The following CAST variants were observed in gnomAD, a reference collection of about 807,000 sequenced individuals.
CAST encodes the protein calpastatin.
CAST carries 76 observed loss-of-function variants against 119.6 expected under a neutral mutation model. The observed-to-expected ratio is 0.64, with a 90% CI of 0.53 to 0.77. The LOEUF (loss-of-function observed/expected upper bound fraction) is 0.77, where lower values mean the gene tolerates loss of function less well. Among genes scored for constraint, CAST ranks in the 30% least tolerant of loss-of-function variants. The pLI, the probability that CAST is intolerant of heterozygous loss-of-function variation, is 0.00. For missense variants in CAST, 953 were observed against 946.5 expected (o/e 1.01, Z -0.09); for synonymous variants, 319 against 331.6 (o/e 0.96, Z 0.41).
At chr5:96,762,970 CT>C (rs1157934100) in intron 25 of CAST, 1 of 582,828 alleles carries the variant, frequency 1.7e-6, no homozygotes, top group Admixed American at 2.8e-5. Context: ...TCCAGACTTC[CT>C]TGACTAATCA....
the CAST span, among the ~76,000 whole-genome samples, chr5:96,104,719 C>T: frequency 1.4e-5 from 2 of 143,642 alleles, no homozygotes; most frequent in East Asian, 2.0e-4. Flanking sequence ...GCGATGCGGG[C>T]TCTTTTTTGG....
At chr5:96,547,124 G>A in intron 1 of CAST, among the ~76,000 whole-genome samples, 1 of 95,094 alleles carries the variant, frequency 1.1e-5, no homozygotes, top group East Asian at 6.6e-4. Context: ...TAGTATATTT[G>A]GGATAGCACC....
chr5:96,438,150 G>A, the CAST span, among the ~76,000 whole-genome samples: 1 of 152,054 alleles, frequency 6.6e-6, no homozygotes, highest in Non-Finnish European at 1.5e-5. Flanking sequence ...TTTTTTAAAT[G>A]TGGCACCCAG....
At chr5:96,371,307 G>A in the CAST span, among the ~76,000 whole-genome samples, 1 of 152,108 alleles carries the variant, frequency 6.6e-6, no homozygotes, top group African/African-American at 2.4e-5. Context: ...CATTAACAGG[G>A]CTAGTCAATA....
chr5:96,068,147 C>T, the CAST span, among the ~76,000 whole-genome samples: 1 of 152,170 alleles, frequency 6.6e-6, no homozygotes, highest in Non-Finnish European at 1.5e-5. Context: ...CTAGACACAT[C>T]TTGATAACGA....
upstream of CAST, among the ~76,000 whole-genome samples, chr5:96,659,539 TTTTTC>T (rs1157352081): frequency 1.3e-5 from 2 of 152,088 alleles, no homozygotes; most frequent in African/African-American, 4.8e-5. Context: ...TTAGTTTTTG[TTTTTC>T]TTGAGACAGA....
At chr5:96,417,442 T>C in the CAST span, among the ~76,000 whole-genome samples, 2 of 151,984 alleles carry the variant, frequency 1.3e-5, no homozygotes, top group Non-Finnish European at 2.9e-5. Context: ...TTTTCAATCA[T>C]GGGGCCCCTC....
At chr5:96,415,916 A>T in the CAST span, 1 of 728,328 alleles carries the variant, frequency 1.4e-6, no homozygotes, top group African/African-American at 1.7e-5. Flanking sequence ...CAACTTTGGC[A>T]TGGAACTAAT....
the CAST span, among the ~76,000 whole-genome samples, chr5:96,271,775 A>C: frequency 1.3e-5 from 2 of 152,324 alleles, no homozygotes; most frequent in Admixed American, 6.5e-5. Flanking sequence ...ATATGAAGCT[A>C]AAAACTTCTG....
the CAST span, among the ~76,000 whole-genome samples, chr5:96,206,021 C>T: frequency 1.3e-5 from 2 of 151,700 alleles, no homozygotes; most frequent in African/African-American, 2.4e-5. Flanking sequence ...TGAATGATGT[C>T]GGATAGTATC....
chr5:96,342,353 A>G, the CAST span, among the ~76,000 whole-genome samples: 1 of 152,184 alleles, frequency 6.6e-6, no homozygotes, highest in Admixed American at 6.5e-5. Context: ...CACATATGGA[A>G]ACCAGCTGGG....
chr5:96,613,588 A>G (rs1283026719), intron 1 of CAST, among the ~76,000 whole-genome samples: 1 of 152,188 alleles, frequency 6.6e-6, no homozygotes, highest in African/African-American at 2.4e-5. Flanking sequence ...GATGCAAAAC[A>G]AGTTCTATCT....
the CAST span, among the ~76,000 whole-genome samples, chr5:96,224,805 A>C: frequency 6.6e-6 from 1 of 152,354 alleles, no homozygotes; most frequent in Non-Finnish European, 1.5e-5. Flanking sequence ...ATGGGTTGCC[A>C]GCAGCTCCCC....
chr5:96,199,351 A>C, the CAST span, among the ~76,000 whole-genome samples: 6 of 152,208 alleles, frequency 3.9e-5, no homozygotes, highest in African/African-American at 1.4e-4. Flanking sequence ...TTCTCAAAAA[A>C]GGATGAGAAA....
rs1434696988 is a variant in CAST at position 96,675,446 on chromosome 5, T to TA, written c.76-87dup. 5.7e-5 allele frequency: 49 copies of TA among 853,206 alleles called. No individual in the cohort carries two copies. The East Asian group carries it at 1.2e-3, about 21-fold the overall frequency. The allele number at this position is 853,206 out of a possible 1,614,324, so 52.9% of individuals were successfully genotyped here. A position where few individuals can be genotyped will look rare whatever the true frequency, so the allele number is the denominator to read the frequency against. On this transcript the variant is annotated intron_variant, in intron 1 of 31. Transcript: ENST00000675179. Reference sequence around the variant, plus strand: ...GAGGAAGATTAAAGTGGTCGTTTTTTAAAAAAGGGTATGCATTTAGCCTTT... The same window carrying TA: ...GAGGAAGATTAAAGTGGTCGTTTTTTAAAAAAAGGGTATGCATTTAGCCTTT...
the CAST span, among the ~76,000 whole-genome samples, chr5:95,977,513 A>G: frequency 6.6e-6 from 1 of 152,228 alleles, no homozygotes; most frequent in Non-Finnish European, 1.5e-5. Context: ...TCTATCTGGA[A>G]AATACTATGG....
At chr5:96,290,902 G>C in the CAST span, among the ~76,000 whole-genome samples, 1 of 152,108 alleles carries the variant, frequency 6.6e-6, no homozygotes. Context: ...TAGGACCTTG[G>C]GGGAAATGAC....
At chr5:96,552,440 G>A (rs891385235) in intron 1 of CAST, among the ~76,000 whole-genome samples, 20 of 152,180 alleles carry the variant, frequency 1.3e-4, no homozygotes, top group Non-Finnish European at 2.8e-4. Context: ...GAAATTTATA[G>A]CACTATATGC....
the CAST span, among the ~76,000 whole-genome samples, chr5:96,373,805 G>T: frequency 6.6e-6 from 1 of 151,844 alleles, no homozygotes; most frequent in Non-Finnish European, 1.5e-5. Context: ...GACTACAGTG[G>T]CACAATCACA....
Sources: gnomAD v4.1 joint callset for allele counts (sites outside exome capture counted in the v4.1 genomes callset) on GRCh38, gnomAD v4.1.1 for gene constraint, MANE v1.5 for transcripts, NCBI Gene and HGNC (gene_info 2026-07-23, HGNC 2026-07-21) for gene names.